Variants in PLIN4 observed in about 807,000 individuals in gnomAD.
PLIN4 encodes perilipin 4, also known as perilipin-4.
PLIN4 carries 57 observed loss-of-function variants against 52.4 expected under a neutral mutation model. The observed-to-expected ratio is 1.09, with a 90% CI of 0.88 to 1.36. The LOEUF (loss-of-function observed/expected upper bound fraction) is 1.36, where lower values mean the gene tolerates loss of function less well. Among genes scored for constraint, PLIN4 ranks in the 40% most tolerant of loss-of-function variants. The probability of loss-of-function intolerance (pLI) is 0.00; values close to 1 mark genes in which losing one functional copy is unlikely to be tolerated. For missense variants in PLIN4, 1,757 were observed against 1,770.3 expected (o/e 0.99, Z 0.13); for synonymous variants, 826 against 785.4 (o/e 1.05, Z -0.86).
chr19:4,505,985 C>T lies in PLIN4; in HGVS notation c.3703-1038G>A, dbSNP rs765072019. Among the ~76,000 whole-genome samples the T allele has an allele frequency of 1.1e-4, 16 of 152,096 alleles. No individual in the cohort carries two copies. In the South Asian group the frequency reaches 2.7e-3, roughly 26 times the overall value. ...CATCGGACCCGGGCAGCTCTGACTT[C>T]GAAACACCCAGAGCCCAGCTACTTC... On this transcript the variant is annotated intron_variant, in intron 6 of 7. Transcript: ENST00000301286.
intron 1 of PLIN4, 31 bp from the exon 2 acceptor site, chr19:4,518,320 G>A: frequency 3.2e-6 from 4 of 1,232,652 alleles, no homozygotes; most frequent in South Asian, 8.2e-5. Flanking sequence ...TGCGTGAATG[G>A]GGGTTCCCTA....
chr19:4,502,572 G>C lies in PLIN4; in HGVS notation c.*1887C>G, dbSNP rs1046019685. ...GGAGGACGAGGGTCCGCGAGGCTAGGCTGGGAGGGTGGAGACCAGGCCTTC... is the reference window on the plus strand; with the variant it reads ...GGAGGACGAGGGTCCGCGAGGCTAGCCTGGGAGGGTGGAGACCAGGCCTTC... On this transcript the variant is annotated 3_prime_UTR_variant, in exon 8 of 8. Transcript: ENST00000301286. The C allele has an allele frequency of 1.3e-5, 3 of 226,390 alleles. No homozygotes were observed. Among genetic ancestry groups the C allele is most frequent in the Non-Finnish European group, 1.7e-5 (2 of 115,360 alleles). 14.0% of individuals were successfully genotyped at this position (226,390 alleles called of 1,614,324 possible).
Position 4,510,603 on chromosome 19 carries a change from G to C in PLIN4, c.3357C>G (p.Asp1119Glu). The stretch of plus-strand genomic sequence containing the variant: ...CGGCCCCTTGGGTGAACGTCGCCAC[G>C]TCAGTCGCAAGGCCCTTGGTAGTGG... Reference protein sequence around the residue: ...AAATTKGLATDVATFTQGAAP... With the variant: ...AAATTKGLATEVATFTQGAAP... The change falls in exon 5 of 8, where the codon GAC (aspartate) becomes GAG (glutamate). Residue 1119 changes from aspartate (D) to glutamate (E), a missense_variant. Around this residue, in one of 7 missense-constraint regions of PLIN4, gnomAD observed 712 missense variants for 637.1 expected, o/e 1.12. Transcript: ENST00000301286. 6.7e-7 allele frequency: 1 copy of C among 1,501,128 alleles called. No individual in the cohort carries two copies. Among genetic ancestry groups the C allele is most frequent in the Non-Finnish European group, 8.9e-7 (1 of 1,125,244 alleles). The allele number at this position is 1,501,128 out of a possible 1,614,324, so 93.0% of individuals were successfully genotyped here.
In PLIN4 at chr19:4,510,486, C is replaced by T. The variant is rs1599741499; in HGVS notation, c.3474G>A (p.Gly1158=). ...TCATGGGGTGGAAGATGTCCCCCAGCCCCTCCAACTCATTCTGCAGCATTG... is the reference window on the plus strand; with the variant it reads ...TCATGGGGTGGAAGATGTCCCCCAGTCCCTCCAACTCATTCTGCAGCATTG... The part of the protein sequence containing the change: ...RLAMLQNELE[G]LGDIFHPMNA... Residue 1158 remains glycine (G), a synonymous_variant, in exon 5 of 8, where the codon GGG becomes GGA. Coordinates refer to ENST00000301286, the MANE Select transcript of PLIN4 (RefSeq NM_001367868.2). 1.4e-6 allele frequency: 2 copies of T among 1,457,928 alleles called. No homozygotes were observed. Among genetic ancestry groups the T allele is most frequent in the African/African-American group, 2.8e-5 (2 of 70,518 alleles). The allele number at this position is 1,457,928 out of a possible 1,614,324, so 90.3% of individuals were successfully genotyped here. A position where few individuals can be genotyped will look rare whatever the true frequency, so the allele number is the denominator to read the frequency against.
intron 4 of PLIN4, 112 bp from the exon 5 acceptor site, chr19:4,513,813 C>T (rs1318536465): frequency 5.3e-6 from 7 of 1,322,068 alleles, no homozygotes; most frequent in South Asian, 1.6e-5. Context: ...CTGCAGGCAC[C>T]CAGAGGCCCC....
At position 4,517,701 on chromosome 19, in the gene PLIN4, G is replaced by T. The variant is rs113555588; in HGVS notation, c.52-3C>A. The T allele has an allele frequency of 6.3e-7, 1 of 1,580,218 alleles. No homozygotes were observed. Among genetic ancestry groups the T allele is most frequent in the Non-Finnish European group, 8.6e-7 (1 of 1,163,634 alleles). Reference sequence around the variant, plus strand: ...GACCCAAAGAAGCTGCCCAGGGTCTGCATGGGGGCGGGGGGTGTGCAGGAT... The same window carrying T: ...GACCCAAAGAAGCTGCCCAGGGTCTTCATGGGGGCGGGGGGTGTGCAGGAT... On this transcript the variant is annotated splice_region_variant and splice_polypyrimidine_tract_variant and intron_variant, in intron 2 of 7. Coordinates refer to ENST00000301286, the MANE Select transcript of PLIN4 (RefSeq NM_001367868.2).
chr19:4,514,581 G>T lies in PLIN4; in HGVS notation c.259-880C>A, dbSNP rs764671308. On this transcript the variant is annotated intron_variant, in intron 4 of 7. Coordinates refer to ENST00000301286, the MANE Select transcript of PLIN4 (RefSeq NM_001367868.2). ...TCTACTAAAAAAATACAAAAAATTA[G>T]CCGGGTGTGGTGGTGGGCGCCTGTA... 3.4e-4 allele frequency among the ~76,000 whole-genome samples: 51 copies of T among 151,710 alleles called. 1 individual carries two copies. The Middle Eastern group carries it at 0.017, about 52-fold the overall frequency.
chr19:4,518,322 G>A (rs967310114), intron 1 of PLIN4, 33 bp from the exon 2 acceptor site: 1 of 1,232,200 alleles, frequency 8.1e-7, no homozygotes, highest in Non-Finnish European at 1.0e-6. Context: ...CGTGAATGGG[G>A]GTTCCCTAGC....
intron 6 of PLIN4, 58 bp from the exon 7 acceptor site, chr19:4,505,005 C>T: frequency 2.7e-6 from 4 of 1,455,026 alleles, no homozygotes; most frequent in Middle Eastern, 1.7e-4. Context: ...CTTTCACAAC[C>T]CCCACCTCCC....
chr19:4,510,677 G>T lies in PLIN4; in HGVS notation c.3283C>A (p.Pro1095Thr). 6.6e-7 allele frequency: 1 copy of T among 1,520,974 alleles called. No homozygotes were observed. The highest frequency in any genetic ancestry group is 8.8e-7 in the Non-Finnish European group (1 of 1,137,870). The allele number at this position is 1,520,974 out of a possible 1,614,324, so 94.2% of individuals were successfully genotyped here. Residue 1095 changes from proline (P) to threonine (T), a missense_variant, in exon 5 of 8, where the codon CCC becomes ACC. By Grantham distance (38) the Pro-to-Thr change is conservative. Coordinates refer to ENST00000301286, the MANE Select transcript of PLIN4 (RefSeq NM_001367868.2). ...QEAPFSGISTPPDVLSVGPEP... is the reference protein window; with the variant it reads ...QEAPFSGISTTPDVLSVGPEP... ...GGGCCTACACTGAGCACATCCGGGG[G>T]CGTGGAGATGCCAGAGAACGGGGCC...
intron 6 of PLIN4, 134 bp downstream of exon 6, chr19:4,508,634 A>C: frequency 2.9e-6 from 3 of 1,030,956 alleles, no homozygotes; most frequent in Middle Eastern, 3.2e-4. Flanking sequence ...CCATGAGTAC[A>C]GAGCCATGAC....
intron 5 of PLIN4, among the ~76,000 whole-genome samples, chr19:4,509,273 T>C (rs1418464692): frequency 3.2e-5 from 3 of 92,702 alleles, no homozygotes; most frequent in African/African-American, 1.2e-4. Context: ...ATGGAGCCAC[T>C]GCACTCCAGC....
Position 4,513,256 on chromosome 19 carries a change from T to G in PLIN4, c.704A>C (p.Lys235Thr). 1.2e-6 allele frequency: 2 copies of G among 1,613,808 alleles called. No individual in the cohort carries two copies. The highest frequency in any genetic ancestry group is 1.3e-5 in the African/African-American group (1 of 75,026). ...ETSKAVLTGT[K>T]DAVSTGLTGA... ...TGTGAGCCCAGTGGACACAGCATCT[T>G]TGGTGCCGGTCAGCACAGCCTTGGA... Residue 235 changes from lysine to threonine, a missense_variant, in exon 5 of 8, where the codon AAA (lysine) becomes ACA (threonine). Transcript: ENST00000301286.
Position 4,504,602 on chromosome 19 carries a change from G to C in PLIN4, c.3973C>G (p.Leu1325Val). The C allele has an allele frequency of 1.2e-6, 2 of 1,604,244 alleles. No homozygotes were observed. The highest frequency in any genetic ancestry group is 1.7e-6 in the Non-Finnish European group (2 of 1,177,830). ...CTCTGCACCAGCCGCTCTGCGGGCA[G>C]CTCCTCTACAGAGCCAGCTGAGGCC... Reference protein sequence around the residue: ...IVASAGSVEELPAERLVQSRE... With the variant: ...IVASAGSVEEVPAERLVQSRE... Residue 1325 changes from leucine to valine, a missense_variant, in exon 8 of 8, where the codon CTG (leucine) becomes GTG (valine). By Grantham distance (32) the Leu-to-Val change is conservative. This residue lies in a region of PLIN4 where 712 missense variants were observed against 637.1 expected (regional missense o/e 1.12). Coordinates refer to ENST00000301286, the MANE Select transcript of PLIN4 (RefSeq NM_001367868.2).
Position 4,504,941 on chromosome 19 carries a change from T to C in PLIN4, c.3709A>G (p.Lys1237Glu). ...TGCCCTTCTGGAGCCTGCTGGGCCT[T>C]TTCAATCTGGAGAGAGAGTACAGTG... The part of the protein sequence containing the change: ...QLQDCFRLIE[K>E]AQQAPEGQPR... The change falls in exon 7 of 8, where the codon AAG becomes GAG. Residue 1237 changes from lysine to glutamate, a missense_variant. Physicochemically the swap from Lys to Glu is moderately conservative, Grantham distance 56 (BLOSUM62 1). Around this residue, in one of 7 missense-constraint regions of PLIN4, gnomAD observed 712 missense variants for 637.1 expected, o/e 1.12. Transcript: ENST00000301286. 1 of 1,603,240 alleles carries C rather than the reference T, an allele frequency of 6.2e-7. No homozygotes were observed.
rs188268003 is a variant in PLIN4 at position 4,509,347 on chromosome 19, T to C, written c.3515-392A>G. On this transcript the variant is annotated intron_variant, in intron 5 of 7. Transcript: ENST00000301286. ...AAAAGTTAAGTGAGGCCAGGCGCGG[T>C]GGCTCACGCCCGTAATCACAGCACA... 6.6e-4 allele frequency among the ~76,000 whole-genome samples: 49 copies of C among 74,394 alleles called. 1 individual carries two copies. The East Asian group carries it at 0.019, about 28-fold the overall frequency. The allele number at this position is 74,394 out of a possible 152,430, so 48.8% of individuals were successfully genotyped here.
At chr19:4,514,826 T>C (rs1177485266) in intron 4 of PLIN4, among the ~76,000 whole-genome samples, 1 of 151,612 alleles carries the variant, frequency 6.6e-6, no homozygotes, top group African/African-American at 2.4e-5. Context: ...GGCAGGAGGA[T>C]TGCTTGAGCC....
rs759477022 is a variant in PLIN4, at chr19:4,504,548, C to T, written c.4027G>A (p.Gly1343Arg). 4.4e-6 allele frequency: 7 copies of T among 1,605,894 alleles called. No individual in the cohort carries two copies. In the Admixed American group the frequency reaches 1.0e-4, roughly 23 times the overall value. The change falls in exon 8 of 8, where the codon GGG (glycine) becomes AGG (arginine). Residue 1343 changes from glycine (G) to arginine (R), a missense_variant. This residue lies in a region of PLIN4 where 712 missense variants were observed against 637.1 expected (regional missense o/e 1.12). Coordinates refer to ENST00000301286, the MANE Select transcript of PLIN4 (RefSeq NM_001367868.2). ...AGGCCCTCCAGCAGCTGCTCTAACC[C>T]CTGCCAAGCCTGGTGCACACCCTCG... is the stretch of plus-strand genomic sequence containing the variant. ...SREGVHQAWQ[G>R]LEQLLEGLQH... is the part of the protein sequence containing the mutation.
chr19:4,515,432 C>A (rs1246585912), intron 4 of PLIN4, among the ~76,000 whole-genome samples: 1 of 151,842 alleles, frequency 6.6e-6, no homozygotes, highest in African/African-American at 2.4e-5. Flanking sequence ...CCATGCCCAG[C>A]TAATTTTTGT....
Sources: allele counts gnomAD v4.1 joint callset (sites outside exome capture counted in the v4.1 genomes callset), GRCh38; gene constraint gnomAD v4.1.1; regional missense constraint gnomAD v4.1.1; transcripts MANE v1.5; gene names NCBI Gene and HGNC (gene_info 2026-07-23, HGNC 2026-07-21).